The following MMP16 variants were observed in gnomAD, a reference collection of about 807,000 sequenced individuals.
MMP16 encodes matrix metalloproteinase-16.
MMP16 carries 12 observed loss-of-function variants against 67.8 expected under a neutral mutation model. That is an observed-to-expected ratio of 0.18 (90% CI 0.11 to 0.29). The LOEUF (loss-of-function observed/expected upper bound fraction) is 0.29. Among genes scored for constraint, MMP16 ranks in the 10% least tolerant of loss-of-function variants. The pLI, the probability that MMP16 is intolerant of heterozygous loss-of-function variation, is 1.00. For missense variants in MMP16, 475 were observed against 765.7 expected (o/e 0.62, Z 4.48); for synonymous variants, 249 against 255.9 (o/e 0.97, Z 0.26).
At chr8:88,312,985 A>C (rs981496559) in intron 1 of MMP16, among the ~76,000 whole-genome samples, 10 of 145,264 alleles carry the variant, frequency 6.9e-5, no homozygotes, top group African/African-American at 2.6e-4. Flanking sequence ...CAAAAACAAA[A>C]ACAAAAAAAG....
At chr8:88,299,967 T>A (rs1046729726) in intron 1 of MMP16, among the ~76,000 whole-genome samples, 15 of 152,206 alleles carry the variant, frequency 9.9e-5, no homozygotes, top group Non-Finnish European at 2.1e-4. Context: ...GAAACTAGAA[T>A]GCATATTCAT....
intron 1 of MMP16, among the ~76,000 whole-genome samples, chr8:88,250,279 A>C (rs181061918): frequency 6.8e-4 from 103 of 152,190 alleles, no homozygotes; most frequent in African/African-American, 2.4e-3. Flanking sequence ...AAAACTCCAT[A>C]TAAAGATCTA....
intron 1 of MMP16, among the ~76,000 whole-genome samples, chr8:88,229,183 T>A (rs1306884178): frequency 6.6e-6 from 1 of 152,034 alleles, no homozygotes; most frequent in Non-Finnish European, 1.5e-5. Context: ...ATAGAAGTGA[T>A]ATGATAAAAC....
intron 1 of MMP16, among the ~76,000 whole-genome samples, chr8:88,288,379 T>C (rs962245178): frequency 6.6e-6 from 1 of 152,064 alleles, no homozygotes; most frequent in East Asian, 1.9e-4. Context: ...AGAAAAACCA[T>C]AGGCACCAGG....
In MMP16 at chr8:88,038,266, G is replaced by A. The variant is rs1181928269; in HGVS notation, c.*3195C>T. ...AATAGTACAGCCTGATAACTGAAAT[G>A]TTCTGTTCAAAAGAGCAGCCTTATA... On this transcript the variant is annotated 3_prime_UTR_variant, in exon 10 of 10. Transcript: ENST00000286614. The surrounding 1 kb of genome is among the most constrained non-coding windows in gnomAD (Gnocchi z 4.1). 6.6e-6 allele frequency: 1 copy of A among 151,988 alleles called. No individual in the cohort carries two copies. Among genetic ancestry groups the A allele is most frequent in the African/African-American group, 2.4e-5 (1 of 41,428 alleles). The allele number at this position is 151,988 out of a possible 1,614,324, so 9.4% of individuals were successfully genotyped here.
chr8:88,249,149 A>G (rs576535611), intron 1 of MMP16, among the ~76,000 whole-genome samples: 3 of 152,030 alleles, frequency 2.0e-5, no homozygotes, highest in Non-Finnish European at 4.4e-5. Context: ...CAAGATACAT[A>G]AGAGAGCTAA....
intron 4 of MMP16, among the ~76,000 whole-genome samples, chr8:88,129,583 TA>T (rs1360542490): frequency 1.3e-5 from 2 of 151,296 alleles, no homozygotes; most frequent in South Asian, 2.1e-4. Context: ...CAAAAAATAT[TA>T]AAAAAAAGAA....
At chr8:88,153,225 C>G (rs977633742) in intron 4 of MMP16, among the ~76,000 whole-genome samples, 1 of 151,660 alleles carries the variant, frequency 6.6e-6, no homozygotes, top group Non-Finnish European at 1.5e-5. Context: ...AGGATACAAA[C>G]AAATGGAAGA....
chr8:88,199,013 A>G (rs1299363236), intron 1 of MMP16, among the ~76,000 whole-genome samples: 2 of 152,106 alleles, frequency 1.3e-5, no homozygotes, highest in Non-Finnish European at 2.9e-5. Flanking sequence ...TCTCAAAATT[A>G]GAACGTTGTA....
chr8:88,227,313 G>T (rs1171084381), intron 1 of MMP16, among the ~76,000 whole-genome samples: 1 of 151,930 alleles, frequency 6.6e-6, no homozygotes, highest in African/African-American at 2.4e-5. Flanking sequence ...TATAATAATG[G>T]TGAATGCTCA....
intron 4 of MMP16, among the ~76,000 whole-genome samples, chr8:88,161,449 A>T (rs1179948447): frequency 4.6e-5 from 7 of 151,354 alleles, no homozygotes; most frequent in Non-Finnish European, 8.8e-5. Flanking sequence ...TTTCTTCTTT[A>T]TTAGTCTCTT....
chr8:88,120,732 G>A (rs1198605342), intron 4 of MMP16, among the ~76,000 whole-genome samples: 1 of 151,956 alleles, frequency 6.6e-6, no homozygotes, highest in African/African-American at 2.4e-5. Context: ...AGACAGTGCT[G>A]ACTCAGAAAA....
chr8:88,211,542 G>C (rs1809512935), intron 1 of MMP16, among the ~76,000 whole-genome samples: 1 of 152,122 alleles, frequency 6.6e-6, no homozygotes, highest in African/African-American at 2.4e-5. Flanking sequence ...ATGGGGCAGA[G>C]CACTAGGAGA....
intron 3 of MMP16, among the ~76,000 whole-genome samples, chr8:88,182,335 C>G (rs2129741479): frequency 6.6e-6 from 1 of 152,028 alleles, no homozygotes; most frequent in South Asian, 2.1e-4. Flanking sequence ...CAACAGACAC[C>G]TCGCCAAAGA....
At chr8:88,131,561 T>G (rs1261969452) in intron 4 of MMP16, among the ~76,000 whole-genome samples, 1 of 151,828 alleles carries the variant, frequency 6.6e-6, no homozygotes, top group Non-Finnish European at 1.5e-5. Flanking sequence ...AGACAACATC[T>G]ACCATCCTAT....
intron 3 of MMP16, among the ~76,000 whole-genome samples, chr8:88,173,903 G>T (rs1180722164): frequency 2.0e-5 from 3 of 152,172 alleles, no homozygotes; most frequent in Non-Finnish European, 2.9e-5. Flanking sequence ...TACATTGGGT[G>T]TTGTTTAAGT....
At chr8:88,289,058 G>C (rs540615027) in intron 1 of MMP16, among the ~76,000 whole-genome samples, 2 of 152,218 alleles carry the variant, frequency 1.3e-5, no homozygotes, top group South Asian at 4.2e-4. Flanking sequence ...CCCCAAGTAT[G>C]GGTTAGTTAG....
At chr8:88,106,328 T>C (rs538271828) in intron 6 of MMP16, among the ~76,000 whole-genome samples, 1 of 151,446 alleles carries the variant, frequency 6.6e-6, no homozygotes, top group South Asian at 2.1e-4. Flanking sequence ...TTTAAAAATA[T>C]GTATCTTGGA....
chr8:88,045,876 C>G (rs906139870), intron 9 of MMP16, among the ~76,000 whole-genome samples: 5 of 152,088 alleles, frequency 3.3e-5, no homozygotes, highest in Non-Finnish European at 7.4e-5. Flanking sequence ...TTTTCTTATG[C>G]TTCCTATTGA....
Sources: gnomAD v4.1 joint callset for allele counts (sites outside exome capture counted in the v4.1 genomes callset) on GRCh38, gnomAD v4.1.1 for gene constraint, Gnocchi (gnomAD v3.1) non-coding constraint, MANE v1.5 for transcripts, NCBI Gene and HGNC (gene_info 2026-07-23, HGNC 2026-07-21) for gene names.